Variants in MAPK10 observed in about 807,000 individuals in gnomAD.
MAPK10 encodes JNK3 alpha protein kinase.
A neutral mutation model predicts 59.3 loss-of-function variants in MAPK10; 25 were observed. The observed-to-expected ratio is 0.42, with a 90% CI of 0.31 to 0.59. The LOEUF is 0.59. MAPK10 is among the 20% of genes least tolerant of loss of function. MAPK10 has a pLI of 0.15. For missense variants in MAPK10, 351 were observed against 568.9 expected (o/e 0.62, Z 3.90); for synonymous variants, 190 against 200.5 (o/e 0.95, Z 0.44).
At chr4:86,374,467 G>A (rs1046039543) in intron 1 of MAPK10, among the ~76,000 whole-genome samples, 11 of 152,134 alleles carry the variant, frequency 7.2e-5, no homozygotes, top group African/African-American at 1.7e-4. Context: ...CACTCAGAAC[G>A]GGAGCACTAA....
chr4:86,316,039 C>T (rs1014264588), intron 2 of MAPK10, among the ~76,000 whole-genome samples: 3 of 152,016 alleles, frequency 2.0e-5, no homozygotes, highest in Non-Finnish European at 4.4e-5. Context: ...TTTTAAAGGA[C>T]GTCACTGCTA....
chr4:86,154,042 G>A (rs1018941096), intron 4 of MAPK10, among the ~76,000 whole-genome samples: 10 of 152,058 alleles, frequency 6.6e-5, no homozygotes, highest in South Asian at 2.1e-4. Context: ...GTCATTTAGC[G>A]TAATGGCTCA....
chr4:86,345,125 G>T (rs1727365210), intron 2 of MAPK10, among the ~76,000 whole-genome samples: 1 of 152,108 alleles, frequency 6.6e-6, no homozygotes, highest in Non-Finnish European at 1.5e-5. Flanking sequence ...CAACAAAACG[G>T]GGAAAGTTAA....
intron 1 of MAPK10, among the ~76,000 whole-genome samples, chr4:86,369,157 C>A (rs1435746369): frequency 6.6e-6 from 1 of 152,146 alleles, no homozygotes; most frequent in African/African-American, 2.4e-5. Flanking sequence ...ATTCCTGCAA[C>A]CTTTAATGGG....
intron 4 of MAPK10, among the ~76,000 whole-genome samples, chr4:86,136,787 C>A (rs1368844019): frequency 1.3e-5 from 2 of 151,536 alleles, no homozygotes; most frequent in Non-Finnish European, 1.5e-5. Flanking sequence ...ATTCAGGAAA[C>A]CCATCTCACG....
intron 2 of MAPK10, among the ~76,000 whole-genome samples, chr4:86,247,571 G>C (rs2093178117): frequency 6.6e-6 from 1 of 152,146 alleles, no homozygotes; most frequent in African/African-American, 2.4e-5. Context: ...TTAAGGTCTA[G>C]AAGGGAGAAA....
chr4:86,571,264 A>AATATAT (rs574137394), intron 1 of MAPK10, among the ~76,000 whole-genome samples: 1 of 144,326 alleles, frequency 6.9e-6, no homozygotes, highest in African/African-American at 2.5e-5. Flanking sequence ...CCAAAATTTA[A>AATATAT]ATATATATAT....
At chr4:86,461,830 G>C (rs112483638) in intron 1 of MAPK10, among the ~76,000 whole-genome samples, 1 of 152,098 alleles carries the variant, frequency 6.6e-6, no homozygotes, top group East Asian at 1.9e-4. Context: ...GTAACTGTTC[G>C]AGCAGCACCT....
rs2086079478 is a variant in MAPK10, at chr4:86,212,353, AC to A, written c.-6-17947del. Among the ~76,000 whole-genome samples, 2 of 151,972 alleles carry A rather than the reference AC, an allele frequency of 1.3e-5. 1 individual carries two copies. The highest frequency in any genetic ancestry group is 1.3e-4 in the Admixed American group (2 of 15,246). ...GGCAACATATCAAGACCTTGTCTGT[AC>A]AAAAAAAAAATTATAAAATTAGCTG... On this transcript the variant is annotated intron_variant, in intron 2 of 13. Coordinates refer to ENST00000641462, the MANE Select transcript of MAPK10 (RefSeq NM_138982.4).
At chr4:86,497,054 C>T (rs1754921610) in intron 1 of MAPK10, among the ~76,000 whole-genome samples, 1 of 152,124 alleles carries the variant, frequency 6.6e-6, no homozygotes, top group South Asian at 2.1e-4. Flanking sequence ...ATCCTCAAAA[C>T]TTTATTTTTA....
At chr4:86,020,457 G>C (rs1334142731) in intron 13 of MAPK10, 1 of 153,094 alleles carries the variant, frequency 6.5e-6, no homozygotes, top group African/African-American at 2.4e-5. Context: ...CCTAGAAGTG[G>C]AATTGCTGGG....
chr4:86,010,475 C>T lies in MAPK10; in HGVS notation c.*6753G>A, dbSNP rs1213201871. On this transcript the variant is annotated 3_prime_UTR_variant, in exon 14 of 14. Coordinates refer to ENST00000641462, the MANE Select transcript of MAPK10 (RefSeq NM_138982.4). ...GACCATGCAATATATATCTCCTACA[C>T]CGAAGTGTCCAAGAAATGTTTTTGG... The T allele has an allele frequency of 2.0e-5, 3 of 152,136 alleles. No individual in the cohort carries two copies. The highest frequency in any genetic ancestry group is 6.6e-5 in the Admixed American group (1 of 15,266). 9.4% of individuals were successfully genotyped at this position (152,136 alleles called of 1,614,324 possible).
chr4:86,533,971 T>A (rs760802896), intron 1 of MAPK10, among the ~76,000 whole-genome samples: 1 of 152,164 alleles, frequency 6.6e-6, no homozygotes, highest in East Asian at 1.9e-4. Context: ...TCTCCTAGAA[T>A]CATGAGCCCC....
chr4:86,435,673 G>A (rs1406147993), intron 1 of MAPK10, among the ~76,000 whole-genome samples: 2 of 152,074 alleles, frequency 1.3e-5, no homozygotes, highest in Non-Finnish European at 2.9e-5. Flanking sequence ...ACCAGCAAAG[G>A]CTACCTTCTG....
At chr4:86,519,649 C>T (rs114758945) in intron 1 of MAPK10, among the ~76,000 whole-genome samples, 2,532 of 152,178 alleles carry the variant, frequency 0.017, 89 homozygotes, top group African/African-American at 0.059. Context: ...TTCTATTCAT[C>T]ATGCTAGTTG....
intron 4 of MAPK10, among the ~76,000 whole-genome samples, chr4:86,145,686 T>C (rs982578646): frequency 2.6e-5 from 4 of 152,164 alleles, no homozygotes; most frequent in Non-Finnish European, 1.5e-5. Context: ...ATTGTGTATC[T>C]GTCATCTATT....
At chr4:86,236,880 A>G (rs2092282808) in intron 2 of MAPK10, among the ~76,000 whole-genome samples, 1 of 152,172 alleles carries the variant, frequency 6.6e-6, no homozygotes, top group Non-Finnish European at 1.5e-5. Context: ...TTTTCTAAAA[A>G]ATAAAAAACG....
chr4:86,380,254 A>C (rs548378641), intron 1 of MAPK10, among the ~76,000 whole-genome samples: 21 of 150,792 alleles, frequency 1.4e-4, no homozygotes, highest in South Asian at 4.2e-4. Context: ...AACAAAAAAA[A>C]CCCCCCCAAA....
At chr4:86,261,570 A>G (rs2093981986) in intron 2 of MAPK10, among the ~76,000 whole-genome samples, 1 of 152,228 alleles carries the variant, frequency 6.6e-6, no homozygotes, top group Admixed American at 6.5e-5. Context: ...TAAAGGAAGT[A>G]TGTCAAATAT....
Sources: allele counts gnomAD v4.1 joint callset (sites outside exome capture counted in the v4.1 genomes callset), GRCh38; gene constraint gnomAD v4.1.1; transcripts MANE v1.5; gene names NCBI Gene and HGNC (gene_info 2026-07-23, HGNC 2026-07-21).